EMSY: variants seen among roughly 807,000 people sequenced by gnomAD.
The protein encoded by EMSY is EMSY transcriptional repressor, BRCA2 interacting.
Under a neutral mutation model 134.6 loss-of-function variants are expected in EMSY, and 26 were observed. That is an observed-to-expected ratio of 0.19 (90% CI 0.14 to 0.27). The LOEUF (loss-of-function observed/expected upper bound fraction) is 0.27, where lower values mean the gene tolerates loss of function less well. EMSY is among the 10% of genes least tolerant of loss of function. EMSY has a pLI of 1.00. For synonymous variants in EMSY, 579 were observed against 577.8 expected (o/e 1.00, Z -0.03); for missense variants, 1,305 against 1,611.4 (o/e 0.81, Z 3.26).
chr11:76,548,676 G>A (rs937634633), intron 20 of EMSY, among the ~76,000 whole-genome samples: 2 of 152,168 alleles, frequency 1.3e-5, no homozygotes, highest in African/African-American at 2.4e-5. Flanking sequence ...TTGTCTAATA[G>A]TCTTACACAA....
At chr11:76,471,197 G>T (rs1229064415) in intron 7 of EMSY, among the ~76,000 whole-genome samples, 3 of 151,982 alleles carry the variant, frequency 2.0e-5, no homozygotes, top group Non-Finnish European at 2.9e-5. Flanking sequence ...TACCTAATAG[G>T]TAGAGTAATG....
intron 9 of EMSY, among the ~76,000 whole-genome samples, chr11:76,497,958 T>C (rs1444718548): frequency 6.6e-6 from 1 of 152,212 alleles, no homozygotes; most frequent in Non-Finnish European, 1.5e-5. Flanking sequence ...TTTAGTTCCA[T>C]CTATGTAAAG....
intron 11 of EMSY, among the ~76,000 whole-genome samples, chr11:76,522,028 A>T (rs1263511540): frequency 6.6e-6 from 1 of 152,150 alleles, no homozygotes; most frequent in Non-Finnish European, 1.5e-5. Context: ...TGCCTTAAAA[A>T]AAATAAATAA....
chr11:76,544,485 C>CCAT, exon 19 of EMSY: 8 of 1,614,140 alleles, frequency 5.0e-6, no homozygotes, highest in Non-Finnish European at 6.8e-6. Context: ...CAGAAGCAGA[C>CCAT]CATCCACCTG....
At chr11:76,503,125 A>G (rs1449394462) in intron 9 of EMSY, among the ~76,000 whole-genome samples, 1 of 151,872 alleles carries the variant, frequency 6.6e-6, no homozygotes, top group East Asian at 1.9e-4. Context: ...ACATGGTGAA[A>G]CCCTGTCTCT....
chr11:76,468,785 A>T (rs938506145), intron 7 of EMSY, among the ~76,000 whole-genome samples: 8 of 152,104 alleles, frequency 5.3e-5, no homozygotes, highest in Non-Finnish European at 2.9e-5. Flanking sequence ...GCACTTATAT[A>T]TCAGAGCAGC....
At chr11:76,450,723 C>T (rs1263390851) in intron 2 of EMSY, among the ~76,000 whole-genome samples, 1 of 151,360 alleles carries the variant, frequency 6.6e-6, no homozygotes, top group African/African-American at 2.4e-5. Context: ...AACTCCTGAG[C>T]TCAAGCAATC....
intron 8 of EMSY, among the ~76,000 whole-genome samples, chr11:76,494,143 C>T (rs1405264914): frequency 1.3e-5 from 2 of 152,262 alleles, no homozygotes; most frequent in Admixed American, 1.3e-4. Flanking sequence ...ACTGCAGCAG[C>T]TGGCATCTGT....
chr11:76,531,362 T>C lies in EMSY; in HGVS notation c.2194+2896T>C, dbSNP rs115183103. Among the ~76,000 whole-genome samples, 1,381 of 152,334 alleles carry C rather than the reference T, an allele frequency of 9.1e-3. 22 individuals are homozygous for C. The highest frequency in any genetic ancestry group is 0.032 in the African/African-American group (1,316 of 41,568). ...AGCTGCATTTAACTGTTGTGGTTTTTTAATTCTCTTTAACCTGGAATAGGT... is the reference window on the plus strand; with the variant it reads ...AGCTGCATTTAACTGTTGTGGTTTTCTAATTCTCTTTAACCTGGAATAGGT... On this transcript the variant is annotated intron_variant, in intron 14 of 20. Coordinates refer to ENST00000334736, the Ensembl canonical transcript of EMSY.
chr11:76,506,741 G>A (rs561935237), intron 9 of EMSY, among the ~76,000 whole-genome samples: 1 of 152,288 alleles, frequency 6.6e-6, no homozygotes, highest in Admixed American at 6.5e-5. Flanking sequence ...CTGTGAGGAA[G>A]CTGGGACTCG....
intron 8 of EMSY, among the ~76,000 whole-genome samples, chr11:76,485,188 A>C (rs1949131611): frequency 6.6e-6 from 1 of 152,152 alleles, no homozygotes; most frequent in African/African-American, 2.4e-5. Flanking sequence ...CTCCTTCCTA[A>C]CTCATTTTAT....
intron 9 of EMSY, among the ~76,000 whole-genome samples, chr11:76,510,861 C>T (rs1185669847): frequency 2.0e-5 from 3 of 152,180 alleles, no homozygotes; most frequent in Admixed American, 1.3e-4. Context: ...TGGAATGTAC[C>T]CCTTGCTGAG....
At chr11:76,446,351 A>ATATATATATG (rs1565263206) in intron 1 of EMSY, among the ~76,000 whole-genome samples, 51 of 140,070 alleles carry the variant, frequency 3.6e-4, no homozygotes, top group African/African-American at 9.9e-4. Context: ...ATATATGTGT[A>ATATATATATG]TATATATATA....
At chr11:76,517,389 A>C (rs1041063804) in intron 11 of EMSY, among the ~76,000 whole-genome samples, 4 of 152,226 alleles carry the variant, frequency 2.6e-5, no homozygotes, top group Non-Finnish European at 5.9e-5. Context: ...ACTTTAAATA[A>C]CACAGTTAAA....
In EMSY at chr11:76,452,372, T is replaced by C. The variant is rs78284591; in HGVS notation, c.170+415T>C. Among the ~76,000 whole-genome samples the C allele has an allele frequency of 5.0e-3, 767 of 152,324 alleles. 5 individuals are homozygous for C. Among genetic ancestry groups the C allele is most frequent in the African/African-American group, 0.017 (714 of 41,574 alleles). ...AATTTACATAAATGGGTAGTGATTA[T>C]GTGGTCATGGCCTTAAACATAGTCT... is the stretch of plus-strand genomic sequence containing the variant. On this transcript the variant is annotated intron_variant, in intron 3 of 20. Coordinates refer to ENST00000334736, the Ensembl canonical transcript of EMSY.
chr11:76,479,069 T>C (rs1333828608), intron 8 of EMSY, among the ~76,000 whole-genome samples: 1 of 152,124 alleles, frequency 6.6e-6, no homozygotes, highest in Non-Finnish European at 1.5e-5. Context: ...ATCTGGCCAC[T>C]ATTAAGTCCT....
intron 8 of EMSY, among the ~76,000 whole-genome samples, chr11:76,480,024 T>C (rs945532391): frequency 6.6e-6 from 1 of 152,206 alleles, no homozygotes; most frequent in Non-Finnish European, 1.5e-5. Flanking sequence ...GTTTTAAAAA[T>C]TTGTGGTGAT....
chr11:76,514,221 T>C (rs2136131604), intron 10 of EMSY, among the ~76,000 whole-genome samples: 1 of 152,320 alleles, frequency 6.6e-6, no homozygotes, highest in East Asian at 1.9e-4. Flanking sequence ...AACGTTATTA[T>C]AAGTACTAAA....
At chr11:76,463,598 C>T (rs1406029020) in intron 6 of EMSY, among the ~76,000 whole-genome samples, 1 of 144,836 alleles carries the variant, frequency 6.9e-6, no homozygotes, top group East Asian at 2.1e-4. Context: ...AGTCCGCAGT[C>T]CGGCCTGGGT....
Sources: allele counts gnomAD v4.1 joint callset (sites outside exome capture counted in the v4.1 genomes callset), GRCh38; gene constraint gnomAD v4.1.1; transcripts MANE v1.5; gene names NCBI Gene and HGNC (gene_info 2026-07-23, HGNC 2026-07-21).